Variants in PRSS22 observed in about 807,000 individuals in gnomAD.
PRSS22 encodes brain-specific serine protease 4.
A neutral mutation model predicts 28.0 loss-of-function variants in PRSS22; 26 were observed. The observed-to-expected ratio is 0.93, with a 90% CI of 0.68 to 1.29. PRSS22 has a LOEUF of 1.29. PRSS22 is among the 50% of genes most tolerant of loss of function. PRSS22 has a pLI of 0.00. For missense variants in PRSS22, 444 were observed against 422.1 expected, an observed-to-expected ratio of 1.05 and a Z score of -0.46; for synonymous variants, 217 against 177.9, an observed-to-expected ratio of 1.22 and a Z score of -1.75.
rs1243833821 is a variant in PRSS22, at chr16:2,856,229, T to G, written c.134A>C (p.Gln45Pro). 1 of 1,613,516 alleles carries G rather than the reference T, an allele frequency of 6.2e-7. No homozygotes were observed. Among genetic ancestry groups the G allele is most frequent in the African/African-American group, 1.3e-5 (1 of 74,852 alleles). The part of the protein sequence containing the change: ...IPVPPACGKP[Q>P]QLNRVVGGED... ...GCCGCCCACAACCCGGTTCAGCTGC[T>G]GGGGCTTCCCACAGGCTGGGGGAAC... Residue 45 changes from glutamine (Q) to proline (P), a missense_variant, in exon 3 of 6, where the codon CAG becomes CCG. By Grantham distance (76) the Gln-to-Pro change is moderately conservative. Transcript: ENST00000161006.
intron 2 of PRSS22, 151 bp from the exon 3 acceptor site, chr16:2,856,404 TCCAAGCTCCACCCACACC>T (rs1207575229): frequency 2.5e-6 from 2 of 798,976 alleles, no homozygotes; most frequent in Non-Finnish European, 4.0e-6. Flanking sequence ...TCACTTGCAC[TCCAAGCTCCACCCACACC>T]CCAAGCTCCA....
intron 4 of PRSS22, among the ~76,000 whole-genome samples, chr16:2,854,720 G>A (rs1013766843): frequency 3.9e-5 from 6 of 152,030 alleles, no homozygotes; most frequent in African/African-American, 1.2e-4. Context: ...TCTGCCTGTC[G>A]ATCTGTCATC....
rs1333803602 is a variant in PRSS22 at position 2,853,569 on chromosome 16, A to G, written c.718-240T>C. On this transcript the variant is annotated intron_variant, in intron 5 of 5. Coordinates refer to ENST00000161006, the MANE Select transcript of PRSS22 (RefSeq NM_022119.4). The surrounding 1 kb of genome is among the most constrained non-coding windows in gnomAD (Gnocchi z 4.6). Reference sequence around the variant, plus strand: ...GCTGCACCATCTGACCGTCTTCCAGACAGCCCCTGAGCTACAGCTGGCTCT... The same window carrying G: ...GCTGCACCATCTGACCGTCTTCCAGGCAGCCCCTGAGCTACAGCTGGCTCT... Among the ~76,000 whole-genome samples the G allele has an allele frequency of 1.3e-5, 2 of 152,166 alleles. No homozygotes were observed. The highest frequency in any genetic ancestry group is 4.8e-5 in the African/African-American group (2 of 41,428).
At chr16:2,856,021 G>A (rs2069452289) in intron 3 of PRSS22, 61 bp downstream of exon 3, 1 of 1,579,226 alleles carries the variant, frequency 6.3e-7, no homozygotes, top group South Asian at 1.1e-5. Flanking sequence ...GGGAGCCCAG[G>A]GCCTGGGGCA....
At chr16:2,857,107 GCCCAGCGAGAAGCCCCCAGCA>G in intron 1 of PRSS22, 3 of 573,424 alleles carry the variant, frequency 5.2e-6, no homozygotes, top group South Asian at 2.0e-5. Flanking sequence ...GTCCCTCAGC[GCCCAGCGAGAAGCCCCCAGCA>G]CCCAGTGAGA....
At chr16:2,856,732 G>C in intron 2 of PRSS22, 90 bp downstream of exon 2, 1 of 1,454,014 alleles carries the variant, frequency 6.9e-7, no homozygotes, top group Non-Finnish European at 9.4e-7. Flanking sequence ...GCCCCTTTCT[G>C]ACCTGTGCCC....
rs113609771 is a variant in PRSS22, at chr16:2,853,067, A to C, written c.*26T>G. 368,406 of 1,464,606 alleles carry C rather than the reference A, an allele frequency of 0.25. 52,855 individuals are homozygous for C. The highest frequency in any genetic ancestry group is 0.29 in the Non-Finnish European group (314,871 of 1,086,904). 90.7% of individuals were successfully genotyped at this position (1,464,606 alleles called of 1,614,324 possible). A position where few individuals can be genotyped will look rare whatever the true frequency, so the allele number is the denominator to read the frequency against. On this transcript the variant is annotated 3_prime_UTR_variant, in exon 6 of 6. Transcript: ENST00000161006. This position sits in a 1 kb window ranked among gnomAD's most constrained non-coding sequence, Gnocchi z 4.6. Reference sequence around the variant, plus strand: ...AGATGTGGATCTGGCCGCCTTTCAGATCCGAGCCCCGCGTCCCGCTGCGCC... The same window carrying C: ...AGATGTGGATCTGGCCGCCTTTCAGCTCCGAGCCCCGCGTCCCGCTGCGCC...
At position 2,852,896 on chromosome 16, in the gene PRSS22, T is replaced by C. The variant is rs1051942500; in HGVS notation, c.*197A>G. 109 of 548,100 alleles carry C rather than the reference T, an allele frequency of 2.0e-4. 1 individual carries two copies. The highest frequency in any genetic ancestry group is 3.2e-4 in the Non-Finnish European group (102 of 318,416). 34.0% of individuals were successfully genotyped at this position (548,100 alleles called of 1,614,324 possible). A position where few individuals can be genotyped will look rare whatever the true frequency, so the allele number is the denominator to read the frequency against. On this transcript the variant is annotated 3_prime_UTR_variant, in exon 6 of 6. Coordinates refer to ENST00000161006, the MANE Select transcript of PRSS22 (RefSeq NM_022119.4). The stretch of plus-strand genomic sequence containing the variant: ...CATGAGGCCGTTGGGCGGGGCCTGA[T>C]GCCTTGGAGGCGGGGCCTGAGGCCG...
In PRSS22 at chr16:2,853,904, C is replaced by T. The variant is rs926595435; in HGVS notation, c.678G>A (p.Leu226=). 2.5e-6 allele frequency: 4 copies of T among 1,614,150 alleles called. No individual in the cohort carries two copies. The highest frequency in any genetic ancestry group is 3.4e-6 in the Non-Finnish European group (4 of 1,180,028). The change falls in exon 5 of 6, where the codon CTG becomes CTA. Residue 226 remains leucine, a synonymous_variant. Coordinates refer to ENST00000161006, the MANE Select transcript of PRSS22 (RefSeq NM_022119.4). This position sits in a 1 kb window ranked among gnomAD's most constrained non-coding sequence, Gnocchi z 4.6. ...AGQGPITEDM[L]CAGYLEGERD... is the part of the protein sequence containing the mutation. ...GCTCCCCCTCCAAGTAGCCGGCACA[C>T]AGCATGTCCTCAGTGATGGGTCCCT...
intron 4 of PRSS22, chr16:2,854,231 A>G: frequency 1.7e-6 from 1 of 571,806 alleles, no homozygotes; most frequent in Admixed American, 3.0e-5. Flanking sequence ...TGAATGTGAA[A>G]CCTAAGACCC....
intron 4 of PRSS22, among the ~76,000 whole-genome samples, chr16:2,854,639 C>A (rs779555389): frequency 1.3e-5 from 2 of 152,344 alleles, no homozygotes; most frequent in Middle Eastern, 3.4e-3. Flanking sequence ...CAAACTCTTT[C>A]TTCCAGGTCT....
At position 2,853,892 on chromosome 16, in the gene PRSS22, G is replaced by A; in HGVS notation, c.690C>T (p.Tyr230=). Residue 230 remains tyrosine (Y), a synonymous_variant, in exon 5 of 6, where the codon TAC becomes TAT. Transcript: ENST00000161006. The surrounding 1 kb of genome is among the most constrained non-coding windows in gnomAD (Gnocchi z 4.6). ...GACAAGCATCCCGCTCCCCCTCCAA[G>A]TAGCCGGCACACAGCATGTCCTCAG... ...PITEDMLCAG[Y]LEGERDACLG... 6.2e-7 allele frequency: 1 copy of A among 1,614,150 alleles called. No homozygotes were observed.
chr16:2,853,541 G>A lies in PRSS22; in HGVS notation c.718-212C>T, dbSNP rs781055651. The stretch of plus-strand genomic sequence containing the variant: ...CTTAAGACGTCCAGGCGCGGGTGCT[G>A]CCGCTGCACCATCTGACCGTCTTCC... On this transcript the variant is annotated intron_variant, in intron 5 of 5. Coordinates refer to ENST00000161006, the MANE Select transcript of PRSS22 (RefSeq NM_022119.4). This position sits in a 1 kb window ranked among gnomAD's most constrained non-coding sequence, Gnocchi z 4.6. Among the ~76,000 whole-genome samples, 10 of 152,226 alleles carry A rather than the reference G, an allele frequency of 6.6e-5. No individual in the cohort carries two copies. Among genetic ancestry groups the A allele is most frequent in the Non-Finnish European group, 1.5e-4 (10 of 68,028 alleles).
intron 2 of PRSS22, among the ~76,000 whole-genome samples, 169 bp downstream of exon 2, chr16:2,856,653 C>T (rs1307276524): frequency 1.3e-5 from 2 of 152,140 alleles, no homozygotes; most frequent in Non-Finnish European, 2.9e-5. Context: ...ATCTCTCAAG[C>T]CTTTCTCCTT....
intron 4 of PRSS22, among the ~76,000 whole-genome samples, chr16:2,855,283 G>A (rs2074377405): frequency 6.9e-6 from 1 of 144,850 alleles, no homozygotes; most frequent in South Asian, 2.2e-4. Flanking sequence ...GGGAGGCAAA[G>A]GCTGCAGTGA....
chr16:2,853,796 G>T lies in PRSS22; in HGVS notation c.717+69C>A. ...AGGGAGAGGTTGTGGGGCTCAGTGG[G>T]GACAGGACTGACGCTGGCTCCTTCC... On this transcript the variant is annotated intron_variant, in intron 5 of 5. Transcript: ENST00000161006. This position sits in a 1 kb window ranked among gnomAD's most constrained non-coding sequence, Gnocchi z 4.6. The T allele has an allele frequency of 6.4e-7, 1 of 1,566,964 alleles. No individual in the cohort carries two copies. Among genetic ancestry groups the T allele is most frequent in the Non-Finnish European group, 8.7e-7 (1 of 1,153,330 alleles).
intron 1 of PRSS22, chr16:2,857,186 G>T: frequency 2.9e-6 from 1 of 350,008 alleles, no homozygotes; most frequent in East Asian, 4.4e-5. Context: ...CAGTGAGGAG[G>T]GGTCCCCAGC....
chr16:2,855,297 A>G, intron 4 of PRSS22, among the ~76,000 whole-genome samples: 1 of 145,254 alleles, frequency 6.9e-6, no homozygotes. Flanking sequence ...GCAGTGAGTT[A>G]GGATCACACC....
rs540659959 is a variant in PRSS22, at chr16:2,853,487, C to T, written c.718-158G>A. 6.6e-6 allele frequency among the ~76,000 whole-genome samples: 1 copy of T among 152,308 alleles called. No individual in the cohort carries two copies. Among genetic ancestry groups the T allele is most frequent in the Admixed American group, 6.5e-5 (1 of 15,300 alleles). On this transcript the variant is annotated intron_variant, in intron 5 of 5. Transcript: ENST00000161006. This position sits in a 1 kb window ranked among gnomAD's most constrained non-coding sequence, Gnocchi z 4.6. The stretch of plus-strand genomic sequence containing the variant: ...GAGCTCCACCCAGGTGAGAAGTCCC[C>T]GGCGGCAGAGTAGGAGCTGCAGCCA...
Sources: allele counts gnomAD v4.1 joint callset (sites outside exome capture counted in the v4.1 genomes callset), GRCh38; gene constraint gnomAD v4.1.1; non-coding constraint Gnocchi (gnomAD v3.1); transcripts MANE v1.5; gene names NCBI Gene and HGNC (gene_info 2026-07-23, HGNC 2026-07-21).